Variants in SEMA3E observed in about 807,000 individuals in gnomAD.
SEMA3E encodes semaphorin-3E.
SEMA3E carries 49 observed loss-of-function variants against 93.6 expected under a neutral mutation model. The observed-to-expected ratio is 0.52, with a 90% CI of 0.42 to 0.66. The LOEUF is 0.66. Among genes scored for constraint, SEMA3E ranks in the 30% least tolerant of loss-of-function variants. The pLI is 0.00. For missense variants in SEMA3E, 906 were observed against 964.8 expected (o/e 0.94, Z 0.81); for synonymous variants, 363 against 330.7 (o/e 1.10, Z -1.06).
At chr7:83,382,719 A>G (rs768207665) in intron 16 of SEMA3E, among the ~76,000 whole-genome samples, 2 of 151,682 alleles carry the variant, frequency 1.3e-5, no homozygotes, top group Non-Finnish European at 2.9e-5. Flanking sequence ...AATGCTCCAC[A>G]TGAAGTATCT....
chr7:83,437,578 A>G (rs1789030548), intron 4 of SEMA3E, among the ~76,000 whole-genome samples: 1 of 152,132 alleles, frequency 6.6e-6, no homozygotes, highest in African/African-American at 2.4e-5. Context: ...GAACAAAGGA[A>G]AAGAACAGTC....
At chr7:83,610,119 T>G (rs1407689542) in intron 1 of SEMA3E, among the ~76,000 whole-genome samples, 1 of 152,158 alleles carries the variant, frequency 6.6e-6, no homozygotes, top group Admixed American at 6.6e-5. Context: ...TTATTAAGAA[T>G]ATAAGAATGT....
chr7:83,562,535 T>C (rs1322203547), intron 1 of SEMA3E, among the ~76,000 whole-genome samples: 1 of 151,622 alleles, frequency 6.6e-6, no homozygotes, highest in African/African-American at 2.4e-5. Flanking sequence ...GGAACCACTA[T>C]ATCAAGAGCG....
intron 1 of SEMA3E, among the ~76,000 whole-genome samples, chr7:83,553,898 G>T (rs1791828592): frequency 6.6e-6 from 1 of 151,930 alleles, no homozygotes; most frequent in Non-Finnish European, 1.5e-5. Flanking sequence ...GAGTTGAGAG[G>T]CTAGTACTAT....
chr7:83,465,204 A>C (rs1472339288), intron 4 of SEMA3E, among the ~76,000 whole-genome samples: 3 of 151,768 alleles, frequency 2.0e-5, no homozygotes, highest in Non-Finnish European at 2.9e-5. Flanking sequence ...CCCACCAGAG[A>C]ACAAACCCCC....
intron 1 of SEMA3E, among the ~76,000 whole-genome samples, chr7:83,643,342 A>G (rs1794038635): frequency 6.6e-6 from 1 of 152,072 alleles, no homozygotes; most frequent in Non-Finnish European, 1.5e-5. Flanking sequence ...CATTGATTAT[A>G]TATTATGTAT....
chr7:83,415,240 G>C (rs565622697), intron 5 of SEMA3E, among the ~76,000 whole-genome samples: 7 of 152,082 alleles, frequency 4.6e-5, no homozygotes, highest in Non-Finnish European at 8.8e-5. Flanking sequence ...AAGTTGTAAT[G>C]CCTTGTCTTC....
Position 83,447,364 on chromosome 7 carries a change from GTC to G in SEMA3E, c.456+19116_456+19117del, listed in dbSNP as rs751947463. Among the ~76,000 whole-genome samples the G allele has an allele frequency of 2.4e-3, 360 of 152,058 alleles. 1 individual carries two copies. Among genetic ancestry groups the G allele is most frequent in the Non-Finnish European group, 3.7e-3 (250 of 67,966 alleles). On this transcript the variant is annotated intron_variant, in intron 4 of 16. Transcript: ENST00000643230. ...ATCCTGGCCAATATGGTGAAACCCC[GTC>G]TCTACTAAAAATACAAAAGAAACTA...
chr7:83,456,976 TCTC>T (rs993206656), intron 4 of SEMA3E, among the ~76,000 whole-genome samples: 2 of 152,272 alleles, frequency 1.3e-5, no homozygotes, highest in Admixed American at 6.5e-5. Flanking sequence ...TATTCAGTAA[TCTC>T]CTTTCTAATT....
intron 1 of SEMA3E, among the ~76,000 whole-genome samples, chr7:83,524,494 G>A (rs1791112690): frequency 6.6e-6 from 1 of 151,920 alleles, no homozygotes; most frequent in East Asian, 1.9e-4. Context: ...ATTTGTGCAG[G>A]GGCCACACAA....
chr7:83,624,524 T>C (rs901394493), intron 1 of SEMA3E, among the ~76,000 whole-genome samples: 6 of 152,224 alleles, frequency 3.9e-5, no homozygotes, highest in African/African-American at 1.4e-4. Context: ...GTGTCTTCTT[T>C]TGAGAAATGT....
chr7:83,587,988 T>G (rs928461633), intron 1 of SEMA3E, among the ~76,000 whole-genome samples: 1 of 152,168 alleles, frequency 6.6e-6, no homozygotes, highest in East Asian at 1.9e-4. Context: ...TTAATTATAT[T>G]TTGTGTAAAA....
At chr7:83,500,210 G>A (rs999838575) in intron 1 of SEMA3E, among the ~76,000 whole-genome samples, 4 of 152,138 alleles carry the variant, frequency 2.6e-5, no homozygotes, top group South Asian at 2.1e-4. Context: ...GGCCAAGGCG[G>A]GTGGATCACA....
intron 1 of SEMA3E, among the ~76,000 whole-genome samples, chr7:83,631,730 C>T (rs941350009): frequency 1.3e-5 from 2 of 152,110 alleles, no homozygotes; most frequent in South Asian, 2.1e-4. Flanking sequence ...AAACAAACCA[C>T]GTGCATGAAA....
chr7:83,591,894 A>G lies in SEMA3E; in HGVS notation c.115+56534T>C, dbSNP rs1483923327. Among the ~76,000 whole-genome samples the G allele has an allele frequency of 2.0e-5, 3 of 152,070 alleles. No individual in the cohort carries two copies. In the East Asian group the frequency reaches 5.8e-4, roughly 29 times the overall value. On this transcript the variant is annotated intron_variant, in intron 1 of 16. Coordinates refer to ENST00000643230, the MANE Select transcript of SEMA3E (RefSeq NM_012431.3). ...GATTGCATTTTTTAAATGTATTCAC[A>G]TCAATTTTTCTATATAATTTTAAAT...
chr7:83,501,478 A>C (rs985722937), intron 1 of SEMA3E, among the ~76,000 whole-genome samples: 10 of 152,048 alleles, frequency 6.6e-5, no homozygotes, highest in Non-Finnish European at 1.5e-5. Flanking sequence ...TTTGAGATGG[A>C]GTCTTTCTCT....
At chr7:83,414,069 G>A (rs1788495845) in intron 5 of SEMA3E, among the ~76,000 whole-genome samples, 2 of 152,166 alleles carry the variant, frequency 1.3e-5, no homozygotes, top group South Asian at 2.1e-4. Flanking sequence ...GAGAGAGAGC[G>A]AGCAGCAGCA....
intron 1 of SEMA3E, among the ~76,000 whole-genome samples, chr7:83,591,568 A>G (rs1792757765): frequency 6.6e-6 from 1 of 152,006 alleles, no homozygotes; most frequent in South Asian, 2.1e-4. Context: ...TTTTACACAT[A>G]TAAATTAAGA....
At chr7:83,481,929 A>G (rs1233534839) in intron 2 of SEMA3E, among the ~76,000 whole-genome samples, 1 of 152,222 alleles carries the variant, frequency 6.6e-6, no homozygotes, top group Non-Finnish European at 1.5e-5. Context: ...TTCCAAGACC[A>G]GCAAGGATAG....
Sources: allele counts gnomAD v4.1 joint callset (sites outside exome capture counted in the v4.1 genomes callset), GRCh38; gene constraint gnomAD v4.1.1; transcripts MANE v1.5; gene names NCBI Gene and HGNC (gene_info 2026-07-23, HGNC 2026-07-21).